KMT2C: variants seen among roughly 807,000 people sequenced by gnomAD.
KMT2C encodes the protein lysine methyltransferase 2C, also known as histone-lysine N-methyltransferase 2C.
KMT2C carries 88 observed loss-of-function variants against 507.9 expected under a neutral mutation model. The observed-to-expected ratio is 0.17, with a 90% CI of 0.15 to 0.21. The LOEUF is 0.21. Ranked by LOEUF, KMT2C falls within the 10% of genes least tolerant of loss-of-function variation. The pLI, the probability that KMT2C is intolerant of heterozygous loss-of-function variation, is 1.00. For missense variants in KMT2C, 4,954 were observed against 5,957.8 expected (o/e 0.83, Z 5.55); for synonymous variants, 2,049 against 2,080.8 (o/e 0.98, Z 0.42).
At chr7:152,236,032 C>G (rs555844907) in intron 15 of KMT2C, 99 bp from the exon 16 acceptor site, 3 of 667,370 alleles carry the variant, frequency 4.5e-6, no homozygotes, top group Admixed American at 2.7e-5. Context: ...AAATGTTACA[C>G]AAACACTTCC....
intron 1 of KMT2C, among the ~76,000 whole-genome samples, chr7:152,385,284 G>C (rs985462347): frequency 1.3e-5 from 2 of 151,118 alleles, no homozygotes; most frequent in African/African-American, 2.4e-5. Context: ...ACACTTAATC[G>C]CAATAAGTAA....
intron 1 of KMT2C, among the ~76,000 whole-genome samples, chr7:152,390,813 A>G (rs1440421274): frequency 1.3e-5 from 2 of 152,188 alleles, no homozygotes; most frequent in Non-Finnish European, 2.9e-5. Context: ...TGTATAAGAT[A>G]GAGCCATGAC....
At chr7:152,187,173 A>T in intron 33 of KMT2C, 89 bp downstream of exon 33, 2 of 1,011,724 alleles carry the variant, frequency 2.0e-6, no homozygotes, top group Non-Finnish European at 3.0e-6. Context: ...AAAATTAGTT[A>T]AGCTACCTTT....
At chr7:152,299,952 A>G (rs2096552107) in intron 6 of KMT2C, among the ~76,000 whole-genome samples, 1 of 152,154 alleles carries the variant, frequency 6.6e-6, no homozygotes, top group African/African-American at 2.4e-5. Flanking sequence ...TACTAATATG[A>G]GGCAAAGCAT....
intron 1 of KMT2C, among the ~76,000 whole-genome samples, chr7:152,432,351 C>G (rs2097870498): frequency 6.6e-6 from 1 of 152,106 alleles, no homozygotes; most frequent in Non-Finnish European, 1.5e-5. Flanking sequence ...AAGAAAAAAG[C>G]TTCAGAAAAA....
In KMT2C at chr7:152,162,561, T is replaced by G; in HGVS notation, c.11016A>C (p.Ala3672=). The G allele has an allele frequency of 6.2e-7, 1 of 1,614,246 alleles. No individual in the cohort carries two copies. The highest frequency in any genetic ancestry group is 1.1e-5 in the South Asian group (1 of 91,082). The change falls in exon 43 of 59, where the codon GCA becomes GCC. Residue 3672 remains alanine (A), a synonymous_variant. Coordinates refer to ENST00000262189, the MANE Select transcript of KMT2C (RefSeq NM_170606.3). ...CTAATTCTGTACATAGCTGGCCTGC[T>G]GCCATATTGGGAGTGGATGGGCCGA... ...EPVGPSTPNM[A]AGQLCTELEN...
intron 1 of KMT2C, among the ~76,000 whole-genome samples, chr7:152,415,924 T>C (rs2097730704): frequency 6.6e-6 from 1 of 152,136 alleles, no homozygotes; most frequent in Non-Finnish European, 1.5e-5. Context: ...TTAGTCCTAC[T>C]AATCAAGTAA....
At chr7:152,171,173 A>G (rs981127051) in intron 40 of KMT2C, 91 bp downstream of exon 40, 4 of 776,428 alleles carry the variant, frequency 5.2e-6, no homozygotes, top group Non-Finnish European at 8.1e-6. Flanking sequence ...ACCTAGTACT[A>G]CTCTCTAGCA....
chr7:152,302,794 A>G (rs1214645800), intron 6 of KMT2C, among the ~76,000 whole-genome samples: 1 of 151,710 alleles, frequency 6.6e-6, no homozygotes, highest in African/African-American at 2.4e-5. Context: ...GGCACACACC[A>G]CCACACACGG....
At chr7:152,350,868 C>G (rs2129226056) in intron 2 of KMT2C, among the ~76,000 whole-genome samples, 1 of 152,306 alleles carries the variant, frequency 6.6e-6, no homozygotes, top group South Asian at 2.1e-4. Context: ...TGTAATAACA[C>G]AGCTTAAAAC....
At chr7:152,354,884 T>C (rs1327968000) in intron 2 of KMT2C, among the ~76,000 whole-genome samples, 1 of 152,156 alleles carries the variant, frequency 6.6e-6, no homozygotes, top group Non-Finnish European at 1.5e-5. Context: ...CACTGGAGTC[T>C]TTGGATGGTT....
intron 7 of KMT2C, among the ~76,000 whole-genome samples, chr7:152,272,599 G>A (rs1370341571): frequency 6.6e-6 from 1 of 152,182 alleles, no homozygotes; most frequent in Non-Finnish European, 1.5e-5. Flanking sequence ...CCAGATTGAA[G>A]AGTGTACAAT....
chr7:152,406,824 G>GTTT (rs10695950), intron 1 of KMT2C, among the ~76,000 whole-genome samples: 67 of 133,506 alleles, frequency 5.0e-4, no homozygotes, highest in African/African-American at 1.8e-3. Context: ...CCAAAAAAGG[G>GTTT]TTTTTTTATT....
chr7:152,242,587 G>A (rs2095406729), intron 14 of KMT2C, among the ~76,000 whole-genome samples: 1 of 152,114 alleles, frequency 6.6e-6, no homozygotes, highest in Non-Finnish European at 1.5e-5. Flanking sequence ...CCCAAAAACA[G>A]TTTAATATTA....
rs2129119612 is a variant in KMT2C, at chr7:152,181,070, G to A, written c.6790C>T (p.Pro2264Ser). 6.2e-7 allele frequency: 1 copy of A among 1,614,162 alleles called. No homozygotes were observed. Among genetic ancestry groups the A allele is most frequent in the Non-Finnish European group, 8.5e-7 (1 of 1,180,032 alleles). The change falls in exon 36 of 59, where the codon CCG (proline) becomes TCG (serine). Residue 2264 changes from proline to serine, a missense_variant. By Grantham distance (74) the Pro-to-Ser change is moderately conservative. Around this residue, in one of 29 missense-constraint regions of KMT2C, gnomAD observed 1,689 missense variants for 1,654.3 expected, o/e 1.02. Transcript: ENST00000262189. ...AQNRGPALPG[P>S]LVRPPDTCSQ... ...CATGTATCAGGTGGCCTTACCAACG[G>A]GCCAGGTAAAGCTGGTCCTCGGTTT...
At chr7:152,154,547 C>T in intron 46 of KMT2C, 102 bp from the exon 47 acceptor site, 1 of 930,792 alleles carries the variant, frequency 1.1e-6, no homozygotes, top group East Asian at 2.4e-5. Flanking sequence ...TAAGGATACT[C>T]TGGGCAGCAC....
At chr7:152,283,899 T>C (rs541020250) in intron 6 of KMT2C, among the ~76,000 whole-genome samples, 15 of 152,208 alleles carry the variant, frequency 9.9e-5, no homozygotes, top group African/African-American at 3.1e-4. Context: ...AAAAGAGTAT[T>C]TATATAATCA....
rs149025060 is a variant in KMT2C, at chr7:152,155,260, A to G, written c.11960+650T>C. Among the ~76,000 whole-genome samples the G allele has an allele frequency of 2.2e-3, 329 of 152,336 alleles. 2 individuals are homozygous for G. The highest frequency in any genetic ancestry group is 5.4e-3 in the South Asian group (26 of 4,830). On this transcript the variant is annotated intron_variant, in intron 46 of 58. Transcript: ENST00000262189. ...CACTTCGGTCCAAAGTTTCCCCATT[A>G]ATAAAGTAAGGGACTTAGGTTAAAT...
In KMT2C at chr7:152,171,307, T is replaced by C. The variant is rs1443623659; in HGVS notation, c.9410A>G (p.Gln3137Arg). 6.2e-7 allele frequency: 1 copy of C among 1,609,398 alleles called. No individual in the cohort carries two copies. Reference sequence around the variant, plus strand: ...TCCAAGGTTCTGTCCTTCACTGTTCTGTGTTCCAGTTACCACCTGGCCCAT... The same window carrying C: ...TCCAAGGTTCTGTCCTTCACTGTTCCGTGTTCCAGTTACCACCTGGCCCAT... ...PFMGQVVTGT[Q>R]NSEGQNLGPQ... Residue 3137 changes from glutamine to arginine, a missense_variant, in exon 40 of 59, where the codon CAG becomes CGG. Physicochemically the swap from Gln to Arg is conservative, Grantham distance 43. This residue lies in a region of KMT2C where 1,689 missense variants were observed against 1,654.3 expected (regional missense o/e 1.02). Transcript: ENST00000262189.
Sources: allele counts gnomAD v4.1 joint callset (sites outside exome capture counted in the v4.1 genomes callset), GRCh38; gene constraint gnomAD v4.1.1; regional missense constraint gnomAD v4.1.1; transcripts MANE v1.5; gene names NCBI Gene and HGNC (gene_info 2026-07-23, HGNC 2026-07-21).